FRY: variants seen among roughly 807,000 people sequenced by gnomAD.
FRY encodes FRY microtubule binding protein, also known as protein furry homolog.
FRY carries 128 observed loss-of-function variants against 348.4 expected under a neutral mutation model. That is an observed-to-expected ratio of 0.37 (90% confidence interval 0.32 to 0.43). FRY has a LOEUF of 0.43. Ranked by LOEUF, FRY falls within the 20% of genes least tolerant of loss-of-function variation. The pLI is 1.00. For missense variants in FRY, 2,736 were observed against 3,695.2 expected (o/e 0.74, Z 6.73); for synonymous variants, 1,370 against 1,374.7 (o/e 1.00, Z 0.08).
rs181201140 is a variant in FRY at position 32,211,132 on chromosome 13, T to C, written c.4591+98T>C. ...TATGAGAATGTGTTTGTTACTTTTT[T>C]CTTATTCCTGTGTGTGCATTCAGTT... is the stretch of plus-strand genomic sequence containing the variant. On this transcript the variant is annotated intron_variant, in intron 34 of 60. Coordinates refer to ENST00000542859, the MANE Select transcript of FRY (RefSeq NM_023037.3). 39 of 1,173,086 alleles carry C rather than the reference T, an allele frequency of 3.3e-5. No homozygotes were observed. The East Asian group carries it at 9.3e-4, about 28-fold the overall frequency. The allele number at this position is 1,173,086 out of a possible 1,614,324, so 72.7% of individuals were successfully genotyped here.
In FRY at chr13:32,147,214, G is replaced by A. The variant is rs1215891085; in HGVS notation, c.1180-68G>A. 6 of 944,356 alleles carry A rather than the reference G, an allele frequency of 6.4e-6. No homozygotes were observed. The African/African-American group carries it at 9.7e-5, about 15-fold the overall frequency. The allele number at this position is 944,356 out of a possible 1,614,324, so 58.5% of individuals were successfully genotyped here. A position where few individuals can be genotyped will look rare whatever the true frequency, so the allele number is the denominator to read the frequency against. On this transcript the variant is annotated intron_variant, in intron 11 of 60. Coordinates refer to ENST00000542859, the MANE Select transcript of FRY (RefSeq NM_023037.3). The stretch of plus-strand genomic sequence containing the variant: ...TTGCCTTTTCCAGGCCTGCAGATAA[G>A]AGCCATCTCTAGAACCTCAGACCTC...
At chr13:32,201,322 C>T (rs1296014126) in intron 29 of FRY, among the ~76,000 whole-genome samples, 2 of 152,178 alleles carry the variant, frequency 1.3e-5, no homozygotes, top group African/African-American at 2.4e-5. Context: ...AAAGACTTCT[C>T]TACCCCCCAT....
At position 32,267,369 on chromosome 13, in the gene FRY, C is replaced by T; in HGVS notation, c.8136+10C>T. 1 of 1,611,854 alleles carries T rather than the reference C, an allele frequency of 6.2e-7. No individual in the cohort carries two copies. The highest frequency in any genetic ancestry group is 1.7e-5 in the Admixed American group (1 of 60,020). ...CTCCTCCTTGTTTAAGGTATGTGTG[C>T]TCACTGAAAGTGCAGAGGACTTAGT... On this transcript the variant is annotated intron_variant, in intron 55 of 60. Transcript: ENST00000542859.
At chr13:32,246,918 G>A (rs780919883) in intron 47 of FRY, among the ~76,000 whole-genome samples, 2 of 150,908 alleles carry the variant, frequency 1.3e-5, no homozygotes, top group Non-Finnish European at 2.9e-5. Context: ...AGCAGGAGGA[G>A]CCAGAGAACT....
chr13:32,218,463 G>A (rs1308140013), intron 35 of FRY, among the ~76,000 whole-genome samples: 1 of 152,108 alleles, frequency 6.6e-6, no homozygotes, highest in African/African-American at 2.4e-5. Flanking sequence ...GGCGGATCAC[G>A]AGGTCAGGAG....
In FRY at chr13:32,184,687, G is replaced by A; in HGVS notation, c.3142G>A (p.Asp1048Asn). Residue 1048 changes from aspartate (D) to asparagine (N), a missense_variant, in exon 25 of 61, where the codon GAC becomes AAC. By Grantham distance (23) the Asp-to-Asn change is conservative. This residue lies in a region of FRY where 449 missense variants were observed against 576.9 expected (regional missense o/e 0.78). Coordinates refer to ENST00000542859, the MANE Select transcript of FRY (RefSeq NM_023037.3). ...ELLADAGVISDSTNGALERDT... is the reference protein window; with the variant it reads ...ELLADAGVISNSTNGALERDT... ...TTTGGCTGATGCTGGTGTAATAAGT[G>A]ACAGGTAGGATCAGAATTCTACCGA... 2 of 1,562,452 alleles carry A rather than the reference G, an allele frequency of 1.3e-6. No individual in the cohort carries two copies. Among genetic ancestry groups the A allele is most frequent in the Non-Finnish European group, 1.8e-6 (2 of 1,133,152 alleles).
At chr13:32,210,257 G>A (rs1884609697) in intron 33 of FRY, among the ~76,000 whole-genome samples, 2 of 152,264 alleles carry the variant, frequency 1.3e-5, no homozygotes, top group Admixed American at 6.5e-5. Context: ...CAGAATGACA[G>A]CATTTTTAAA....
chr13:32,193,045 A>C (rs1380817972), intron 28 of FRY, among the ~76,000 whole-genome samples: 3 of 151,560 alleles, frequency 2.0e-5, no homozygotes, highest in Non-Finnish European at 4.4e-5. Context: ...TCTGGGCCAG[A>C]ATGTTACTTT....
At chr13:32,289,445 A>T (rs1355448836) in intron 58 of FRY, among the ~76,000 whole-genome samples, 188 bp from the exon 59 acceptor site, 3 of 152,330 alleles carry the variant, frequency 2.0e-5, no homozygotes, top group African/African-American at 2.4e-5. Context: ...TATAATGGAA[A>T]TTATACCGTG....
At chr13:32,072,377 T>A (rs1874718496) in intron 1 of FRY, among the ~76,000 whole-genome samples, 1 of 152,242 alleles carries the variant, frequency 6.6e-6, no homozygotes, top group Non-Finnish European at 1.5e-5. Flanking sequence ...AAGTAATTAT[T>A]TAAGAATCAT....
intron 59 of FRY, among the ~76,000 whole-genome samples, chr13:32,291,427 T>C (rs995143939): frequency 1.5e-4 from 22 of 150,984 alleles, no homozygotes; most frequent in African/African-American, 5.3e-4. Flanking sequence ...TTTTTCGAGA[T>C]AGAACTTTGC....
intron 47 of FRY, among the ~76,000 whole-genome samples, chr13:32,245,721 G>GGCCATGGGAGTAGTGCAGGGCC (rs552708824): frequency 0.19 from 28,792 of 151,836 alleles, 3,616 homozygotes; most frequent in Non-Finnish European, 0.26. Flanking sequence ...GGAGGCTCCA[G>GGCCATGGGAGTAGTGCAGGGCC]GCCATGGGAG....
rs1483401710 is a variant in FRY at position 32,211,005 on chromosome 13, C to T, written c.4562C>T (p.Ala1521Val). The stretch of plus-strand genomic sequence containing the variant: ...AACCCGCCCTTCTACCGCTTCACGG[C>T]CAGTAGCAAGGCTTCCGCAGCAGCC... The part of the protein sequence containing the change: ...CDNPPFYRFT[A>V]SSKASAAASG... The change falls in exon 34 of 61, where the codon GCC becomes GTC. Residue 1521 changes from alanine (A) to valine (V), a missense_variant. Around this residue, in one of 9 missense-constraint regions of FRY, gnomAD observed 794 missense variants for 977.0 expected, o/e 0.81. Transcript: ENST00000542859. 13 of 1,613,882 alleles carry T rather than the reference C, an allele frequency of 8.1e-6. No homozygotes were observed. Among genetic ancestry groups the T allele is most frequent in the Non-Finnish European group, 9.3e-6 (11 of 1,179,878 alleles).
chr13:32,265,616 G>A lies in FRY; in HGVS notation c.7946G>A (p.Ser2649Asn), dbSNP rs1887879741. The A allele has an allele frequency of 6.2e-7, 1 of 1,613,636 alleles. No homozygotes were observed. ...GCACTGGACCAGTTTACCCTGGCGAGGTAATGGAGCCCTTGGCTGATGTGA... is the reference window on the plus strand; with the variant it reads ...GCACTGGACCAGTTTACCCTGGCGAAGTAATGGAGCCCTTGGCTGATGTGA... ...NRALDQFTLA[S>N]FGEGDRGVSP... Residue 2649 changes from serine to asparagine, a missense_variant and splice_region_variant, in exon 54 of 61, where the codon AGC becomes AAC. Ser to Asn is a conservative substitution (Grantham distance 46, BLOSUM62 1). This residue lies in a region of FRY where 789 missense variants were observed against 996.2 expected (regional missense o/e 0.79). Transcript: ENST00000542859.
At chr13:32,173,031 T>G (rs1882179876) in intron 18 of FRY, among the ~76,000 whole-genome samples, 1 of 152,236 alleles carries the variant, frequency 6.6e-6, no homozygotes, top group Non-Finnish European at 1.5e-5. Flanking sequence ...AATAACAACT[T>G]TGGCCACTTT....
chr13:32,242,874 T>G (rs566678612), intron 46 of FRY, among the ~76,000 whole-genome samples: 1 of 152,246 alleles, frequency 6.6e-6, no homozygotes, highest in African/African-American at 2.4e-5. Flanking sequence ...TATTGTGTAA[T>G]TTCAACATTT....
chr13:32,099,066 G>T (rs1046502762), intron 2 of FRY, among the ~76,000 whole-genome samples: 1 of 151,852 alleles, frequency 6.6e-6, no homozygotes, highest in Non-Finnish European at 1.5e-5. Flanking sequence ...TGTGAGTGGA[G>T]GAGAGGATTG....
At chr13:32,162,081 A>C (rs1881473937) in intron 17 of FRY, among the ~76,000 whole-genome samples, 1 of 152,224 alleles carries the variant, frequency 6.6e-6, no homozygotes, top group Non-Finnish European at 1.5e-5. Flanking sequence ...AATAGTTTAC[A>C]AACCCAATGA....
In FRY at chr13:32,289,831, A is replaced by G. The variant is rs893867174; in HGVS notation, c.8580+88A>G. 45 of 757,142 alleles carry G rather than the reference A, an allele frequency of 5.9e-5. No individual in the cohort carries two copies. In the South Asian group the frequency reaches 6.3e-4, roughly 11 times the overall value. The allele number at this position is 757,142 out of a possible 1,614,324, so 46.9% of individuals were successfully genotyped here. ...CACTCCACCCCTTTTATAACTGCCC[A>G]AGTGATTTTATTCCCGCATAATTAT... On this transcript the variant is annotated intron_variant, in intron 59 of 60. Transcript: ENST00000542859.
Sources: allele counts gnomAD v4.1 joint callset (sites outside exome capture counted in the v4.1 genomes callset), GRCh38; gene constraint gnomAD v4.1.1; regional missense constraint gnomAD v4.1.1; transcripts MANE v1.5; gene names NCBI Gene and HGNC (gene_info 2026-07-23, HGNC 2026-07-21).